ELMO1: variants seen among roughly 807,000 people sequenced by gnomAD.
ELMO1 encodes engulfment and cell motility 1.
ELMO1 carries 26 observed loss-of-function variants against 98.9 expected under a neutral mutation model. The observed-to-expected ratio is 0.26, with a 90% CI of 0.19 to 0.36. The LOEUF (loss-of-function observed/expected upper bound fraction) is 0.36, where lower values mean the gene tolerates loss of function less well. Ranked by LOEUF, ELMO1 falls within the 10% of genes least tolerant of loss-of-function variation. ELMO1 has a pLI of 1.00. For missense variants in ELMO1, 627 were observed against 935.2 expected (o/e 0.67, Z 4.30); for synonymous variants, 346 against 346.0 (o/e 1.00, Z 0.00).
intron 14 of ELMO1, among the ~76,000 whole-genome samples, chr7:37,118,087 T>C (rs752587183): frequency 2.0e-5 from 3 of 152,230 alleles, no homozygotes; most frequent in African/African-American, 4.8e-5. Flanking sequence ...TTAAGTTTAA[T>C]TGCACATTAC....
intron 13 of ELMO1, among the ~76,000 whole-genome samples, chr7:37,210,515 A>G (rs1232125538): frequency 6.6e-6 from 1 of 151,106 alleles, no homozygotes; most frequent in Non-Finnish European, 1.5e-5. Flanking sequence ...GTATATATAT[A>G]TATTTGGGTG....
chr7:36,939,556 T>G (rs1174708440), intron 16 of ELMO1, among the ~76,000 whole-genome samples: 1 of 152,250 alleles, frequency 6.6e-6, no homozygotes, highest in Non-Finnish European at 1.5e-5. Flanking sequence ...TCAGCTCACT[T>G]AACCAAGAAC....
intron 1 of ELMO1, among the ~76,000 whole-genome samples, chr7:37,392,740 C>T (rs906646119): frequency 3.9e-5 from 6 of 152,234 alleles, no homozygotes; most frequent in African/African-American, 1.4e-4. Flanking sequence ...ATTACAACTC[C>T]TTCCCTTGAC....
At chr7:37,099,053 C>T (rs1784506534) in intron 14 of ELMO1, among the ~76,000 whole-genome samples, 1 of 152,140 alleles carries the variant, frequency 6.6e-6, no homozygotes, top group Admixed American at 6.5e-5. Context: ...GAAACATTTC[C>T]AAGGCACAGT....
chr7:37,234,980 A>G (rs1385951707), intron 7 of ELMO1, among the ~76,000 whole-genome samples: 1 of 152,194 alleles, frequency 6.6e-6, no homozygotes, highest in Non-Finnish European at 1.5e-5. Context: ...AAAGCAGCTA[A>G]TATCTCTGGC....
intron 15 of ELMO1, among the ~76,000 whole-genome samples, chr7:37,042,007 G>A (rs765957873): frequency 2.2e-4 from 33 of 151,804 alleles, no homozygotes; most frequent in Middle Eastern, 3.4e-3. Flanking sequence ...TTACATGGCC[G>A]GGCATGGTGG....
intron 15 of ELMO1, among the ~76,000 whole-genome samples, chr7:37,089,335 A>G (rs1227296986): frequency 1.3e-5 from 2 of 152,228 alleles, no homozygotes; most frequent in African/African-American, 2.4e-5. Flanking sequence ...TGTGTAATGT[A>G]GGTTTCTTTC....
intron 7 of ELMO1, among the ~76,000 whole-genome samples, 172 bp from the exon 8 acceptor site, chr7:37,233,366 G>A (rs929984213): frequency 1.3e-5 from 2 of 151,180 alleles, no homozygotes; most frequent in Non-Finnish European, 3.0e-5. Context: ...GGGGCAGGAC[G>A]GCCTTGATGA....
intron 15 of ELMO1, among the ~76,000 whole-genome samples, chr7:37,033,619 T>C (rs113780773): frequency 6.6e-6 from 1 of 152,172 alleles, no homozygotes; most frequent in African/African-American, 2.4e-5. Flanking sequence ...ACACTGAATA[T>C]CTGATGAAAT....
At chr7:37,039,604 G>A (rs1285001364) in intron 15 of ELMO1, among the ~76,000 whole-genome samples, 1 of 152,144 alleles carries the variant, frequency 6.6e-6, no homozygotes, top group Non-Finnish European at 1.5e-5. Flanking sequence ...CTTCAACATT[G>A]TCCTTATGGA....
chr7:37,034,567 G>C (rs890263075), intron 15 of ELMO1, among the ~76,000 whole-genome samples: 7 of 152,096 alleles, frequency 4.6e-5, no homozygotes, highest in African/African-American at 7.2e-5. Context: ...ATGCCTATCA[G>C]ATAGCAAAAA....
rs115796804 is a variant in ELMO1, at chr7:37,214,318, A to G, written c.832-861T>C. On this transcript the variant is annotated intron_variant, in intron 11 of 21. Coordinates refer to ENST00000310758, the MANE Select transcript of ELMO1 (RefSeq NM_014800.11). ...TATTTCAACTGTGCTAGCCCCACTC[A>G]TGCCATGTTATCTGAAAGACCAATT... is the stretch of plus-strand genomic sequence containing the variant. Among the ~76,000 whole-genome samples the G allele has an allele frequency of 5.3e-3, 806 of 152,314 alleles. 6 individuals carry two copies. Among genetic ancestry groups the G allele is most frequent in the African/African-American group, 0.018 (744 of 41,560 alleles).
chr7:37,283,400 A>T (rs1200308877), intron 4 of ELMO1, among the ~76,000 whole-genome samples: 1 of 152,256 alleles, frequency 6.6e-6, no homozygotes, highest in Non-Finnish European at 1.5e-5. Flanking sequence ...GAGCCAGCAC[A>T]TACCTACTTT....
At chr7:37,289,537 T>C (rs1434723024) in intron 4 of ELMO1, among the ~76,000 whole-genome samples, 5 of 152,138 alleles carry the variant, frequency 3.3e-5, no homozygotes, top group African/African-American at 4.8e-5. Flanking sequence ...CATCTATAAC[T>C]ACTGTGCTCT....
intron 1 of ELMO1, among the ~76,000 whole-genome samples, chr7:37,447,974 C>T (rs1038345582): frequency 1.3e-5 from 2 of 151,822 alleles, no homozygotes; most frequent in African/African-American, 4.8e-5. Context: ...TTCCACGAAG[C>T]TCCACAAAGC....
chr7:37,351,884 T>C (rs1462544872), intron 1 of ELMO1, among the ~76,000 whole-genome samples: 5 of 152,234 alleles, frequency 3.3e-5, no homozygotes, highest in Non-Finnish European at 5.9e-5. Context: ...ATCTGTGACG[T>C]AGCGCTCAGC....
chr7:37,448,889 G>A (rs1427970007), upstream of ELMO1: 1 of 153,250 alleles, frequency 6.5e-6, no homozygotes, highest in Non-Finnish European at 1.5e-5. Context: ...CTGCACCGCC[G>A]GCTGCCGCTG....
chr7:37,204,031 G>A (rs545644836), intron 13 of ELMO1: 24 of 449,766 alleles, frequency 5.3e-5, no homozygotes, highest in African/African-American at 4.4e-4. Flanking sequence ...CTGGCCAACA[G>A]GTGCCCAGTA....
intron 20 of ELMO1, among the ~76,000 whole-genome samples, chr7:36,867,800 A>G (rs971889385): frequency 6.6e-6 from 1 of 152,152 alleles, no homozygotes; most frequent in Non-Finnish European, 1.5e-5. Context: ...ATTTCCAAAC[A>G]TTTGGGGGAT....
Sources: allele counts gnomAD v4.1 joint callset (sites outside exome capture counted in the v4.1 genomes callset), GRCh38; gene constraint gnomAD v4.1.1; transcripts MANE v1.5; gene names NCBI Gene and HGNC (gene_info 2026-07-23, HGNC 2026-07-21).